SMARCA4: variants seen among roughly 807,000 people sequenced by gnomAD.
SMARCA4 encodes SWI/SNF related BAF chromatin remodeling complex subunit ATPase 4.
SMARCA4 carries 31 observed loss-of-function variants against 193.9 expected under a neutral mutation model. That is an observed-to-expected ratio of 0.16 (90% CI 0.12 to 0.22). SMARCA4 has a LOEUF of 0.22. Ranked by LOEUF, SMARCA4 falls within the 10% of genes least tolerant of loss-of-function variation. SMARCA4 has a pLI of 1.00. For missense variants in SMARCA4, 1,148 were observed against 2,296.0 expected (o/e 0.50, Z 10.22); for synonymous variants, 942 against 933.1 (o/e 1.01, Z -0.17).
intron 11 of SMARCA4, among the ~76,000 whole-genome samples, chr19:10,998,397 G>A (rs984016411): frequency 2.0e-5 from 3 of 152,060 alleles, no homozygotes; most frequent in Admixed American, 6.6e-5. Flanking sequence ...CCACTGTCCA[G>A]TTACTGTTTT....
In SMARCA4 at chr19:11,031,364, G is replaced by C. The variant is rs767184482; in HGVS notation, c.3546+471G>C. 2 of 194,394 alleles carry C rather than the reference G, an allele frequency of 1.0e-5. No individual in the cohort carries two copies. The highest frequency in any genetic ancestry group is 5.3e-5 in the Admixed American group (1 of 18,978). The allele number at this position is 194,394 out of a possible 1,614,324, so 12.0% of individuals were successfully genotyped here. A position where few individuals can be genotyped will look rare whatever the true frequency, so the allele number is the denominator to read the frequency against. ...GGGCCTCGGCATCGGTGGATACCAG[G>C]TCATGCTGTTACATAGCTACAAGAA... is the stretch of plus-strand genomic sequence containing the variant. On this transcript the variant is annotated intron_variant, in intron 25 of 34. Coordinates refer to ENST00000344626, the MANE Select transcript of SMARCA4 (RefSeq NM_003072.5). The surrounding 1 kb of genome is among the most constrained non-coding windows in gnomAD (Gnocchi z 4.3).
At chr19:11,005,603 C>T (rs1244070761) in intron 13 of SMARCA4, among the ~76,000 whole-genome samples, 2 of 152,160 alleles carry the variant, frequency 1.3e-5, no homozygotes, top group Non-Finnish European at 2.9e-5. Context: ...TTTTCCCTAC[C>T]GTGGCTGATC....
At chr19:10,980,184 C>T (rs1038283918) in intron 1 of SMARCA4, among the ~76,000 whole-genome samples, 10 of 152,172 alleles carry the variant, frequency 6.6e-5, no homozygotes, top group Admixed American at 3.3e-4. Flanking sequence ...GCTTTCAATC[C>T]GGAAATGAAT....
chr19:11,058,138 G>A lies in SMARCA4; in HGVS notation c.4425-117G>A. The stretch of plus-strand genomic sequence containing the variant: ...AAAAAAAGCGCATGTGCAAGAAATA[G>A]CTCCTGAGCTGAGTTGGAATTTCTC... On this transcript the variant is annotated intron_variant, in intron 30 of 34. Transcript: ENST00000344626. This position sits in a 1 kb window ranked among gnomAD's most constrained non-coding sequence, Gnocchi z 5.8. 2 of 708,626 alleles carry A rather than the reference G, an allele frequency of 2.8e-6. No individual in the cohort carries two copies. The highest frequency in any genetic ancestry group is 5.2e-5 in the East Asian group (2 of 38,582). The allele number at this position is 708,626 out of a possible 1,614,324, so 43.9% of individuals were successfully genotyped here.
chr19:11,030,712 C>T lies in SMARCA4; in HGVS notation c.3383-18C>T, dbSNP rs778742929. 1 of 1,608,686 alleles carries T rather than the reference C, an allele frequency of 6.2e-7. No homozygotes were observed. The highest frequency in any genetic ancestry group is 2.2e-5 in the East Asian group (1 of 44,812). ...CTGAGGTCACCCCGCTGACCCTGTT[C>T]TCCTCTGTGCCCGTCAGGAACCACG... is the stretch of plus-strand genomic sequence containing the variant. On this transcript the variant is annotated intron_variant, in intron 24 of 34. Coordinates refer to ENST00000344626, the MANE Select transcript of SMARCA4 (RefSeq NM_003072.5). This position sits in a 1 kb window ranked among gnomAD's most constrained non-coding sequence, Gnocchi z 5.5.
intron 11 of SMARCA4, 103 bp from the exon 12 acceptor site, chr19:11,002,926 T>C (rs2146089329): frequency 7.5e-7 from 1 of 1,339,116 alleles, no homozygotes; most frequent in Non-Finnish European, 1.1e-6. Context: ...TGCCTGCCAT[T>C]TTCTGTGCAA....
chr19:11,043,525 A>G (rs2075736271), intron 30 of SMARCA4, among the ~76,000 whole-genome samples: 1 of 151,944 alleles, frequency 6.6e-6, no homozygotes, highest in South Asian at 2.1e-4. Flanking sequence ...GCAGTAGCAC[A>G]TGCCTGGGGT....
At chr19:11,039,214 C>T (rs559954830) in intron 29 of SMARCA4, among the ~76,000 whole-genome samples, 1 of 152,280 alleles carries the variant, frequency 6.6e-6, no homozygotes, top group South Asian at 2.1e-4. Context: ...ATTAGCCAGG[C>T]ATGGTGGTGG....
Position 10,961,078 on chromosome 19 carries a change from T to C in SMARCA4, c.-128T>C. The C allele has an allele frequency of 6.7e-6, 1 of 148,360 alleles. No individual in the cohort carries two copies. Among genetic ancestry groups the C allele is most frequent in the Non-Finnish European group, 1.5e-5 (1 of 66,478 alleles). The allele number at this position is 148,360 out of a possible 1,614,324, so 9.2% of individuals were successfully genotyped here. ...TCGTTTGGCGGCGGCGGCGGCTTCT[T>C]TGTTTCGTGAAGAGAAGCGAGACGC... On this transcript the variant is annotated 5_prime_UTR_variant, in exon 1 of 35. Transcript: ENST00000344626.
chr19:11,025,751 G>A (rs1326871887), intron 22 of SMARCA4: 12 of 508,796 alleles, frequency 2.4e-5, no homozygotes, highest in South Asian at 1.9e-4. Flanking sequence ...GAGCAGGAGC[G>A]TTTGGAGACT....
chr19:11,020,227 G>A (rs1201037076), intron 18 of SMARCA4, among the ~76,000 whole-genome samples: 2 of 152,092 alleles, frequency 1.3e-5, no homozygotes, highest in Non-Finnish European at 1.5e-5. Flanking sequence ...GCCTCTTCTG[G>A]GACGAAACTG....
intron 1 of SMARCA4, among the ~76,000 whole-genome samples, chr19:10,962,310 A>G (rs556627055): frequency 6.6e-6 from 1 of 152,188 alleles, no homozygotes; most frequent in South Asian, 2.1e-4. Flanking sequence ...TGTTCAGCAG[A>G]TAACTTCTTG....
At chr19:11,043,264 G>T in intron 30 of SMARCA4, among the ~76,000 whole-genome samples, 1 of 152,152 alleles carries the variant, frequency 6.6e-6, no homozygotes, top group East Asian at 1.9e-4. Flanking sequence ...ACTCCAGCCT[G>T]GGGGACAGAG....
intron 30 of SMARCA4, among the ~76,000 whole-genome samples, chr19:11,051,385 C>T (rs1472951202): frequency 1.3e-5 from 2 of 152,162 alleles, no homozygotes; most frequent in Non-Finnish European, 2.9e-5. Context: ...TCCCTCCTGC[C>T]CTGGCCTCCC....
chr19:11,014,281 G>T (rs2089150701), intron 16 of SMARCA4, among the ~76,000 whole-genome samples: 1 of 152,180 alleles, frequency 6.6e-6, no homozygotes, highest in Non-Finnish European at 1.5e-5. Context: ...GGCCCCATGG[G>T]TCACACACCC....
chr19:10,990,622 A>G (rs562395916), intron 7 of SMARCA4, among the ~76,000 whole-genome samples: 4 of 152,186 alleles, frequency 2.6e-5, no homozygotes, highest in Non-Finnish European at 4.4e-5. Context: ...CATGTCGCCC[A>G]GGCTAGTCTC....
intron 1 of SMARCA4, chr19:10,983,383 G>A (rs1294679669): frequency 6.6e-6 from 1 of 150,988 alleles, no homozygotes; most frequent in Non-Finnish European, 1.5e-5. Context: ...AGCAGTATTT[G>A]CCATAAATAT....
intron 30 of SMARCA4, among the ~76,000 whole-genome samples, chr19:11,043,550 A>T (rs2075737580): frequency 6.6e-6 from 1 of 151,954 alleles, no homozygotes; most frequent in Non-Finnish European, 1.5e-5. Context: ...ACTACTTGGG[A>T]GGCTGAGGTG....
At position 10,961,141 on chromosome 19, in the gene SMARCA4, G is replaced by A. The variant is rs949650830; in HGVS notation, c.-65G>A. 6 of 148,938 alleles carry A rather than the reference G, an allele frequency of 4.0e-5. No individual in the cohort carries two copies. Among genetic ancestry groups the A allele is most frequent in the Non-Finnish European group, 7.5e-5 (5 of 66,710 alleles). The allele number at this position is 148,938 out of a possible 1,614,324, so 9.2% of individuals were successfully genotyped here. A position where few individuals can be genotyped will look rare whatever the true frequency, so the allele number is the denominator to read the frequency against. ...CGGCCCCGCGCGGAGGGGCGGGGGA[G>A]GCGCCGGGAAGTCGACGGCGCCGGC... On this transcript the variant is annotated 5_prime_UTR_variant, in exon 1 of 35. Transcript: ENST00000344626.
Sources: allele counts gnomAD v4.1 joint callset (sites outside exome capture counted in the v4.1 genomes callset), GRCh38; gene constraint gnomAD v4.1.1; non-coding constraint Gnocchi (gnomAD v3.1); transcripts MANE v1.5; gene names NCBI Gene and HGNC (gene_info 2026-07-23, HGNC 2026-07-21).